The following APPBP2 variants were observed in gnomAD, a reference collection of about 807,000 sequenced individuals.
The protein encoded by APPBP2 is amyloid protein-binding protein 2.
In APPBP2, 15 loss-of-function variants were observed where a neutral mutation model predicts 76.0. The ratio of observed to expected loss-of-function variants is 0.20; its 90% CI spans 0.13 to 0.30. The LOEUF (loss-of-function observed/expected upper bound fraction) is 0.30, where lower values mean the gene tolerates loss of function less well. APPBP2 is among the 10% of genes least tolerant of loss of function. The probability of loss-of-function intolerance (pLI) is 1.00; values close to 1 mark genes in which losing one functional copy is unlikely to be tolerated. For missense variants in APPBP2, 401 were observed against 687.2 expected (o/e 0.58, Z 4.66); for synonymous variants, 222 against 242.2 (o/e 0.92, Z 0.77).
At chr17:60,513,997 T>TAA (rs35785295) in intron 1 of APPBP2, among the ~76,000 whole-genome samples, 106 of 108,496 alleles carry the variant, frequency 9.8e-4, no homozygotes, top group Non-Finnish European at 1.2e-3. Context: ...TTCCCCACAT[T>TAA]AAAAAAAAAA....
intron 1 of APPBP2, among the ~76,000 whole-genome samples, chr17:60,511,534 G>A (rs1299327144): frequency 2.0e-5 from 3 of 149,862 alleles, no homozygotes; most frequent in Non-Finnish European, 2.9e-5. Flanking sequence ...GCGGTGAGCC[G>A]AGATCGCATC....
chr17:60,445,897 ATGC>A lies in APPBP2; in HGVS notation c.*1681_*1683del, dbSNP rs1332372202. 4 of 152,298 alleles carry A rather than the reference ATGC, an allele frequency of 2.6e-5. No individual in the cohort carries two copies. The highest frequency in any genetic ancestry group is 9.7e-5 in the African/African-American group (4 of 41,432). 9.4% of individuals were successfully genotyped at this position (152,298 alleles called of 1,614,324 possible). On this transcript the variant is annotated 3_prime_UTR_variant, in exon 13 of 13. Transcript: ENST00000083182. ...ACCAACCCCCTCCTAGGGAACTTAA[ATGC>A]AATGGCTCAAAACTAATAGGACTGC...
At chr17:60,514,306 C>T (rs1293627629) in intron 1 of APPBP2, among the ~76,000 whole-genome samples, 2 of 151,758 alleles carry the variant, frequency 1.3e-5, no homozygotes, top group Non-Finnish European at 2.9e-5. Context: ...AACAAACAAA[C>T]AAAAAACCCA....
At chr17:60,450,900 T>C (rs574803871) in intron 12 of APPBP2, among the ~76,000 whole-genome samples, 1 of 152,234 alleles carries the variant, frequency 6.6e-6, no homozygotes, top group Non-Finnish European at 1.5e-5. Context: ...AGGTCTGTCA[T>C]ATTCATATCA....
At chr17:60,501,484 C>T (rs1287114335) in intron 1 of APPBP2, among the ~76,000 whole-genome samples, 1 of 152,052 alleles carries the variant, frequency 6.6e-6, no homozygotes, top group Non-Finnish European at 1.5e-5. Context: ...GCAACCTCTG[C>T]CTCCCGGGTT....
At chr17:60,476,639 G>A (rs1400609211) in intron 4 of APPBP2, among the ~76,000 whole-genome samples, 3 of 152,176 alleles carry the variant, frequency 2.0e-5, no homozygotes, top group Non-Finnish European at 4.4e-5. Context: ...TTGGTATACA[G>A]GCAGTGAGCT....
At chr17:60,522,829 C>T (rs1479944850) in intron 1 of APPBP2, among the ~76,000 whole-genome samples, 2 of 151,838 alleles carry the variant, frequency 1.3e-5, no homozygotes, top group Non-Finnish European at 2.9e-5. Flanking sequence ...TTCTGCCACT[C>T]AGCCAACAAA....
At chr17:60,476,041 T>C (rs527905896) in intron 4 of APPBP2, among the ~76,000 whole-genome samples, 2 of 152,340 alleles carry the variant, frequency 1.3e-5, no homozygotes, top group South Asian at 2.1e-4. Context: ...AGCAGGGTTA[T>C]AGACAACAAT....
chr17:60,490,340 CTT>C (rs914531564), intron 3 of APPBP2, among the ~76,000 whole-genome samples: 26 of 152,080 alleles, frequency 1.7e-4, no homozygotes, highest in African/African-American at 6.3e-4. Context: ...TCTGGGTACT[CTT>C]TTGCAACTTC....
chr17:60,512,854 A>G (rs893905568), intron 1 of APPBP2, among the ~76,000 whole-genome samples: 13 of 147,132 alleles, frequency 8.8e-5, no homozygotes, highest in Non-Finnish European at 1.9e-4. Flanking sequence ...AAAAAAAAAA[A>G]GGAAAGGAAA....
At chr17:60,505,831 C>G (rs2090863962) in intron 1 of APPBP2, among the ~76,000 whole-genome samples, 1 of 151,416 alleles carries the variant, frequency 6.6e-6, no homozygotes, top group African/African-American at 2.4e-5. Flanking sequence ...TTACAGGCGC[C>G]CGCCACCATG....
chr17:60,498,040 T>A (rs1009179701), intron 2 of APPBP2, among the ~76,000 whole-genome samples: 3 of 151,712 alleles, frequency 2.0e-5, no homozygotes, highest in Non-Finnish European at 4.4e-5. Context: ...CTTGGGAGTA[T>A]CACCTGAGCC....
intron 1 of APPBP2, among the ~76,000 whole-genome samples, chr17:60,517,539 T>C (rs968995520): frequency 1.3e-5 from 2 of 152,244 alleles, no homozygotes; most frequent in Non-Finnish European, 2.9e-5. Context: ...ATCAGCAATT[T>C]ATCTGGAAAT....
intron 4 of APPBP2, among the ~76,000 whole-genome samples, chr17:60,475,648 TACACACACACACACACACACACACACAC>T (rs72415327): frequency 3.9e-5 from 5 of 129,190 alleles, no homozygotes; most frequent in Non-Finnish European, 8.1e-5. Flanking sequence ...CAACTCTTTA[TACACACACACACACACACACACACACAC>T]ACACACACAC....
chr17:60,479,456 G>A (rs915125990), intron 3 of APPBP2, among the ~76,000 whole-genome samples, 185 bp from the exon 4 acceptor site: 1 of 152,192 alleles, frequency 6.6e-6, no homozygotes, highest in Non-Finnish European at 1.5e-5. Flanking sequence ...ACGGGAAGGA[G>A]GGTTAAGGCT....
At chr17:60,487,594 C>T (rs945569010) in intron 3 of APPBP2, among the ~76,000 whole-genome samples, 3 of 152,176 alleles carry the variant, frequency 2.0e-5, no homozygotes, top group African/African-American at 7.2e-5. Flanking sequence ...AGCCATTTGT[C>T]TAATCTTTTT....
chr17:60,478,658 A>T (rs911947836), intron 4 of APPBP2, among the ~76,000 whole-genome samples: 5 of 152,238 alleles, frequency 3.3e-5, no homozygotes, highest in African/African-American at 1.2e-4. Flanking sequence ...ACGGTGGCTC[A>T]TGCCTGTAAT....
In APPBP2 at chr17:60,525,871, C is replaced by T; in HGVS notation, c.61G>A (p.Val21Ile). 3 of 1,614,086 alleles carry T rather than the reference C, an allele frequency of 1.9e-6. No homozygotes were observed. Residue 21 changes from valine to isoleucine, a missense_variant, in exon 1 of 13, where the codon GTC becomes ATC. Around this residue, in one of 5 missense-constraint regions of APPBP2, gnomAD observed 149 missense variants for 198.4 expected, o/e 0.75. Transcript: ENST00000083182. ...ETLYNTAISA[V>I]VDNYIRSRRD... ...CGGGAGCGGATGTAGTTGTCCACGA[C>T]AGCGGAGATGGCGGTGTTATAGAGA...
chr17:60,480,806 C>T (rs1026155454), intron 3 of APPBP2, among the ~76,000 whole-genome samples: 1 of 152,132 alleles, frequency 6.6e-6, no homozygotes, highest in Non-Finnish European at 1.5e-5. Flanking sequence ...TAGCTGGCTC[C>T]GTTTGGCTCA....
Sources: allele counts gnomAD v4.1 joint callset (sites outside exome capture counted in the v4.1 genomes callset), GRCh38; gene constraint gnomAD v4.1.1; regional missense constraint gnomAD v4.1.1; transcripts MANE v1.5; gene names NCBI Gene and HGNC (gene_info 2026-07-23, HGNC 2026-07-21).